The following ZFHX3 variants were observed in gnomAD, a reference collection of about 807,000 sequenced individuals.
The protein encoded by ZFHX3 is zinc finger homeobox protein 3.
ZFHX3 carries 42 observed loss-of-function variants against 279.1 expected under a neutral mutation model. That is an observed-to-expected ratio of 0.15 (90% CI 0.12 to 0.19). ZFHX3 has a LOEUF of 0.19. Among genes scored for constraint, ZFHX3 ranks in the 10% least tolerant of loss-of-function variants. The pLI, the probability that ZFHX3 is intolerant of heterozygous loss-of-function variation, is 1.00. For missense variants in ZFHX3, 4,981 were observed against 4,754.0 expected, an observed-to-expected ratio of 1.05 and a Z score of -1.40; for synonymous variants, 2,293 against 1,957.8, an observed-to-expected ratio of 1.17 and a Z score of -4.52.
chr16:73,395,744 A>G (rs1260330976), intron 3 of ZFHX3, among the ~76,000 whole-genome samples: 2 of 152,122 alleles, frequency 1.3e-5, no homozygotes, highest in South Asian at 2.1e-4. Flanking sequence ...AAAAAGGCCT[A>G]TAGACTTGAA....
chr16:73,370,282 G>A (rs750074749), intron 3 of ZFHX3, among the ~76,000 whole-genome samples: 6 of 152,266 alleles, frequency 3.9e-5, no homozygotes, highest in East Asian at 1.9e-4. Flanking sequence ...GAGTCAGAAC[G>A]GCTACATCTG....
In ZFHX3 at chr16:73,820,807, C is replaced by T. The variant is rs180753625; in HGVS notation, c.-1608+70844G>A. ...TGAAGCTAAAGACAAATGTGTTCTA[C>T]TACCAAAGTTATTGAGACTTCAATC... On this transcript the variant is annotated intron_variant, in intron 1 of 17. Coordinates refer to the ZFHX3 transcript ENST00000641206. 1.7e-3 allele frequency among the ~76,000 whole-genome samples: 265 copies of T among 151,864 alleles called. 1 individual carries two copies. The highest frequency in any genetic ancestry group is 5.6e-3 in the African/African-American group (232 of 41,484).
rs1965360635 is a variant in ZFHX3, at chr16:73,047,964, C to T, written c.-262G>A. On this transcript the variant is annotated 5_prime_UTR_variant, in exon 1 of 10. The change abolishes an upstream ATG in the 5' untranslated region. Transcript: ENST00000268489. ...GGCCCGGAGACAGGGGAGGGGAGCT[C>T]ATGGTGGCGGCAGGGCTGGCGGTCG... 1 of 152,414 alleles carries T rather than the reference C, an allele frequency of 6.6e-6. No homozygotes were observed. The highest frequency in any genetic ancestry group is 2.1e-4 in the South Asian group (1 of 4,836). The allele number at this position is 152,414 out of a possible 1,614,324, so 9.4% of individuals were successfully genotyped here.
rs78972032 is a variant in ZFHX3, at chr16:73,512,104, G to A, written c.-1546-55846C>T. Among the ~76,000 whole-genome samples, 1,327 of 151,960 alleles carry A rather than the reference G, an allele frequency of 8.7e-3. 21 individuals carry two copies. Among genetic ancestry groups the A allele is most frequent in the South Asian group, 0.027 (129 of 4,804 alleles). On this transcript the variant is annotated intron_variant, in intron 2 of 17. Transcript: ENST00000641206. ...TAGCTTACATGCTGCAGGAACAGCC[G>A]GACACGGGAAATGTGGAATGTGAGT...
Position 72,795,548 on chromosome 16 carries a change from G to C in ZFHX3, c.7134C>G (p.Thr2378=), listed in dbSNP as rs747228181. ...SMDAMEILTP[T]SSSCSTPMPS... ...GCATCGGGGTACTGCAGGATGAGCT[G>C]GTAGGCGTCAGGATTTCCATGGCAT... Residue 2378 remains threonine (T), a synonymous_variant, in exon 9 of 10, where the codon ACC becomes ACG. Transcript: ENST00000268489. The C allele has an allele frequency of 1.2e-6, 2 of 1,614,084 alleles. No homozygotes were observed. The highest frequency in any genetic ancestry group is 1.7e-6 in the Non-Finnish European group (2 of 1,180,026).
chr16:72,974,358 G>A (rs4140672), intron 1 of ZFHX3, among the ~76,000 whole-genome samples: 20,676 of 152,118 alleles, frequency 0.14, 1,654 homozygotes, highest in East Asian at 0.36. Flanking sequence ...AACCTGTAAG[G>A]GTGAGGTGAG....
chr16:73,340,672 G>T (rs2016015045), intron 3 of ZFHX3, among the ~76,000 whole-genome samples: 1 of 152,206 alleles, frequency 6.6e-6, no homozygotes, highest in African/African-American at 2.4e-5. Context: ...CACCGTGCCT[G>T]GCTGATCTTT....
intron 1 of ZFHX3, among the ~76,000 whole-genome samples, chr16:73,793,268 T>C (rs1433485140): frequency 6.6e-6 from 1 of 152,190 alleles, no homozygotes; most frequent in Non-Finnish European, 1.5e-5. Context: ...CTGAATTTTG[T>C]AGGAAAAAAA....
At chr16:73,325,015 G>A (rs984103937) in intron 3 of ZFHX3, among the ~76,000 whole-genome samples, 2 of 152,118 alleles carry the variant, frequency 1.3e-5, no homozygotes, top group Non-Finnish European at 2.9e-5. Flanking sequence ...TTTTTGTATA[G>A]CGCTTTTGGA....
At chr16:73,544,197 A>G (rs1464512263) in intron 2 of ZFHX3, among the ~76,000 whole-genome samples, 1 of 152,116 alleles carries the variant, frequency 6.6e-6, no homozygotes, top group African/African-American at 2.4e-5. Flanking sequence ...GGGAGAGGAA[A>G]AAAAAAGGTG....
intron 3 of ZFHX3, among the ~76,000 whole-genome samples, chr16:73,368,899 C>A (rs542073481): frequency 6.6e-6 from 1 of 152,148 alleles, no homozygotes; most frequent in African/African-American, 2.4e-5. Context: ...AAGTAACTTG[C>A]CTAAGGTCAC....
At chr16:73,443,580 G>T (rs530425844) in intron 3 of ZFHX3, among the ~76,000 whole-genome samples, 1 of 152,274 alleles carries the variant, frequency 6.6e-6, no homozygotes, top group Non-Finnish European at 1.5e-5. Context: ...GAAGCCAAAG[G>T]TCAGCATTTT....
chr16:73,802,584 C>T (rs545797281), intron 1 of ZFHX3, among the ~76,000 whole-genome samples: 2 of 152,162 alleles, frequency 1.3e-5, no homozygotes, highest in Non-Finnish European at 1.5e-5. Flanking sequence ...CAGACTAATA[C>T]AGGTCGCAGC....
intron 3 of ZFHX3, among the ~76,000 whole-genome samples, chr16:73,445,247 T>A (rs1159320239): frequency 6.7e-6 from 1 of 149,602 alleles, no homozygotes; most frequent in Non-Finnish European, 1.5e-5. Context: ...TGTATACATA[T>A]GTGTATATGT....
At chr16:73,018,293 T>C (rs969222906) in intron 1 of ZFHX3, among the ~76,000 whole-genome samples, 2 of 151,106 alleles carry the variant, frequency 1.3e-5, no homozygotes, top group Admixed American at 6.6e-5. Flanking sequence ...CGCCTGGCCA[T>C]GGTTTTGATC....
At chr16:72,974,743 G>C (rs1397322958) in intron 1 of ZFHX3, among the ~76,000 whole-genome samples, 1 of 152,202 alleles carries the variant, frequency 6.6e-6, no homozygotes, top group Non-Finnish European at 1.5e-5. Context: ...ATTGGTAAAG[G>C]CATGAAAAGG....
chr16:73,196,815 T>C (rs1968158678), intron 5 of ZFHX3, among the ~76,000 whole-genome samples: 1 of 152,198 alleles, frequency 6.6e-6, no homozygotes, highest in African/African-American at 2.4e-5. Context: ...ATTTCAGCCA[T>C]GCTTGAAATA....
intron 7 of ZFHX3, among the ~76,000 whole-genome samples, chr16:73,122,830 T>C (rs1966515980): frequency 6.6e-6 from 1 of 151,902 alleles, no homozygotes. Context: ...AAGCAAACAG[T>C]GGTGTGGAGG....
intron 1 of ZFHX3, among the ~76,000 whole-genome samples, chr16:73,053,444 CAA>C (rs893521123): frequency 6.6e-6 from 1 of 151,788 alleles, no homozygotes; most frequent in African/African-American, 2.4e-5. Context: ...GCAACTGAAT[CAA>C]AGTCTCCGAG....
Sources: allele counts gnomAD v4.1 joint callset (sites outside exome capture counted in the v4.1 genomes callset), GRCh38; gene constraint gnomAD v4.1.1; transcripts MANE v1.5; gene names NCBI Gene and HGNC (gene_info 2026-07-23, HGNC 2026-07-21).